Variants in PPP6R2 observed in about 807,000 individuals in gnomAD.
PPP6R2 encodes protein phosphatase 6 regulatory subunit 2.
Under a neutral mutation model 100.2 loss-of-function variants are expected in PPP6R2, and 62 were observed. The ratio of observed to expected loss-of-function variants is 0.62; its 90% CI spans 0.50 to 0.76. PPP6R2 has a LOEUF of 0.76. Ranked by LOEUF, PPP6R2 falls within the 30% of genes least tolerant of loss-of-function variation. PPP6R2 has a pLI of 0.00. For missense variants in PPP6R2, 1,142 were observed against 1,276.3 expected, an observed-to-expected ratio of 0.89 and a Z score of 1.60; for synonymous variants, 525 against 514.7, an observed-to-expected ratio of 1.02 and a Z score of -0.27.
rs188345950 is a variant in PPP6R2, at chr22:50,414,000, G to T, written c.415-552G>T. ...CCCCCCCATGGCCTCACGCTTAGCT[G>T]TCTACACCTTGTTGGCACTGGTCAT... On this transcript the variant is annotated intron_variant, in intron 4 of 23. Transcript: ENST00000612753. Among the ~76,000 whole-genome samples the T allele has an allele frequency of 4.3e-3, 662 of 152,320 alleles. 8 individuals are homozygous for T. The highest frequency in any genetic ancestry group is 0.015 in the African/African-American group (617 of 41,556).
At chr22:50,421,870 AAAAAAT>A (rs2061386205) in intron 8 of PPP6R2, among the ~76,000 whole-genome samples, 1 of 152,222 alleles carries the variant, frequency 6.6e-6, no homozygotes, top group Non-Finnish European at 1.5e-5. Context: ...TCTGGCTCAA[AAAAAAT>A]AAAAATAAAT....
At chr22:50,429,294 G>T (rs1375587334) in intron 10 of PPP6R2, among the ~76,000 whole-genome samples, 1 of 152,052 alleles carries the variant, frequency 6.6e-6, no homozygotes, top group Non-Finnish European at 1.5e-5. Context: ...GCCTCCCAAA[G>T]TGTTGGGATT....
At chr22:50,383,680 G>A (rs1337878093) in intron 2 of PPP6R2, among the ~76,000 whole-genome samples, 1 of 152,106 alleles carries the variant, frequency 6.6e-6, no homozygotes, top group Non-Finnish European at 1.5e-5. Flanking sequence ...GCAGCCATAT[G>A]GGGCTGTTAT....
intron 6 of PPP6R2, among the ~76,000 whole-genome samples, chr22:50,417,254 G>A (rs755450070): frequency 1.3e-5 from 2 of 152,104 alleles, no homozygotes; most frequent in Admixed American, 6.5e-5. Context: ...CCACATGGGC[G>A]TCTCCACAGG....
At chr22:50,384,679 G>A (rs987486154) in intron 2 of PPP6R2, among the ~76,000 whole-genome samples, 1 of 152,246 alleles carries the variant, frequency 6.6e-6, no homozygotes, top group Non-Finnish European at 1.5e-5. Flanking sequence ...AAGGTGGCGT[G>A]GGACATCACG....
At chr22:50,365,734 T>A (rs939670253) in intron 1 of PPP6R2, among the ~76,000 whole-genome samples, 1 of 150,544 alleles carries the variant, frequency 6.6e-6, no homozygotes, top group Admixed American at 6.6e-5. Flanking sequence ...TATTTATTAT[T>A]ATTTTTTTAG....
At chr22:50,348,064 C>T (rs1049150300) in intron 1 of PPP6R2, among the ~76,000 whole-genome samples, 19 of 152,084 alleles carry the variant, frequency 1.2e-4, no homozygotes, top group Non-Finnish European at 2.5e-4. Context: ...TGCAAAGGCC[C>T]TGAAGTGGGA....
intron 12 of PPP6R2, among the ~76,000 whole-genome samples, chr22:50,433,124 G>C (rs1427900784): frequency 1.3e-5 from 2 of 152,294 alleles, no homozygotes; most frequent in African/African-American, 4.8e-5. Context: ...CCTGCTGCAC[G>C]TGGCAGGTGC....
chr22:50,376,611 A>G (rs1036735134), intron 2 of PPP6R2, among the ~76,000 whole-genome samples: 17 of 151,938 alleles, frequency 1.1e-4, no homozygotes, highest in African/African-American at 4.1e-4. Flanking sequence ...TTTTGTAAAA[A>G]CAGGTTTTTG....
At chr22:50,363,279 T>A (rs1279008125) in intron 1 of PPP6R2, among the ~76,000 whole-genome samples, 2 of 152,174 alleles carry the variant, frequency 1.3e-5, no homozygotes, top group African/African-American at 4.8e-5. Flanking sequence ...CTTAGCATCT[T>A]GCCTTGTTCT....
chr22:50,380,986 C>CA (rs375160457), intron 2 of PPP6R2, among the ~76,000 whole-genome samples: 26,722 of 87,656 alleles, frequency 0.3, 3,983 homozygotes, highest in South Asian at 0.43. Flanking sequence ...GACTCCATCT[C>CA]AAAAAAAAAA....
Position 50,419,593 on chromosome 22 carries a change from A to G in PPP6R2, c.845+131A>G, listed in dbSNP as rs887274312. On this transcript the variant is annotated intron_variant, in intron 8 of 23. Coordinates refer to ENST00000612753, the MANE Select transcript of PPP6R2 (RefSeq NM_001242898.2). ...ATTATGCAAGTAACAACATGGATAGATTCCCCTTGTTGAAGGCTTGACTTT... is the reference window on the plus strand; with the variant it reads ...ATTATGCAAGTAACAACATGGATAGGTTCCCCTTGTTGAAGGCTTGACTTT... 4 of 674,780 alleles carry G rather than the reference A, an allele frequency of 5.9e-6. No individual in the cohort carries two copies. In the African/African-American group the frequency reaches 7.2e-5, roughly 12 times the overall value. 41.8% of individuals were successfully genotyped at this position (674,780 alleles called of 1,614,324 possible).
intron 2 of PPP6R2, among the ~76,000 whole-genome samples, chr22:50,376,703 C>G (rs989514902): frequency 6.6e-6 from 1 of 151,838 alleles, no homozygotes; most frequent in Non-Finnish European, 1.5e-5. Flanking sequence ...GAATTACAGG[C>G]GTGATCTAGC....
intron 2 of PPP6R2, among the ~76,000 whole-genome samples, chr22:50,381,787 A>G (rs1481891200): frequency 6.6e-6 from 1 of 152,066 alleles, no homozygotes; most frequent in Non-Finnish European, 1.5e-5. Context: ...GGGCTCCCGT[A>G]GTCCCAGCTA....
Position 50,440,980 on chromosome 22 carries a change from GC to G in PPP6R2, c.2540del (p.Pro847ArgfsTer23). The G allele has an allele frequency of 1.2e-6, 2 of 1,610,768 alleles. No homozygotes were observed. Among genetic ancestry groups the G allele is most frequent in the South Asian group, 2.2e-5 (2 of 90,956 alleles). On this transcript the variant is annotated frameshift_variant, in exon 22 of 24. Coordinates refer to ENST00000612753, the MANE Select transcript of PPP6R2 (RefSeq NM_001242898.2). LOFTEE classifies it high-confidence loss of function. ...DAVSRGPGRE[A>X]PPLPTVARTE... is the part of the protein sequence containing the mutation. ...GGTGAGCAGGGGTCCCGGCCGGGAG[GC>G]CCCCCCGCTGCCCACAGTGGCCAGG...
intron 10 of PPP6R2, among the ~76,000 whole-genome samples, chr22:50,425,086 C>G (rs1413515551): frequency 6.6e-6 from 1 of 152,158 alleles, no homozygotes; most frequent in Admixed American, 6.5e-5. Context: ...ATAGCCATTA[C>G]CATTATTCAC....
Position 50,432,127 on chromosome 22 carries a change from T to C in PPP6R2, c.1336-138T>C, listed in dbSNP as rs371438447. The C allele has an allele frequency of 2.0e-4, 150 of 745,644 alleles. No homozygotes were observed. The East Asian group carries it at 2.9e-3, about 14-fold the overall frequency. The allele number at this position is 745,644 out of a possible 1,614,324, so 46.2% of individuals were successfully genotyped here. A position where few individuals can be genotyped will look rare whatever the true frequency, so the allele number is the denominator to read the frequency against. ...GTGAGGACCGCGGAGGCTGGGGCTG[T>C]GCGTGCGCAGCAGTCAGGGCCTGCA... On this transcript the variant is annotated intron_variant, in intron 11 of 23. Transcript: ENST00000612753.
upstream of PPP6R2, among the ~76,000 whole-genome samples, chr22:50,338,412 G>A (rs1433503134): frequency 6.9e-6 from 1 of 145,216 alleles, no homozygotes. Context: ...TGTGTGGTAT[G>A]TGTGTGTAGG....
the PPP6R2 span, among the ~76,000 whole-genome samples, chr22:50,337,169 GGTGT>G: frequency 3.4e-5 from 5 of 149,052 alleles, no homozygotes; most frequent in Admixed American, 1.3e-4. Context: ...TGCGATGTGT[GGTGT>G]GTGTGGGGTG....
Sources: gnomAD v4.1 joint callset for allele counts (sites outside exome capture counted in the v4.1 genomes callset) on GRCh38, gnomAD v4.1.1 for gene constraint, MANE v1.5 for transcripts, NCBI Gene and HGNC (gene_info 2026-07-23, HGNC 2026-07-21) for gene names.